WWOX: variants seen among roughly 807,000 people sequenced by gnomAD.
WWOX encodes WW domain containing oxidoreductase, also known as WW domain-containing oxidoreductase.
Under a neutral mutation model 46.2 loss-of-function variants are expected in WWOX, and 69 were observed. The observed-to-expected ratio is 1.49, with a 90% CI of 1.23 to 1.82. The LOEUF is 1.82. Among genes scored for constraint, WWOX ranks in the 40% most tolerant of loss-of-function variants. WWOX has a pLI of 0.00. For synonymous variants in WWOX, 359 were observed against 202.6 expected, an observed-to-expected ratio of 1.77 and a Z score of -6.56; for missense variants, 919 against 542.6, an observed-to-expected ratio of 1.69 and a Z score of -6.89.
At chr16:79,023,501 G>A (rs1437526844) in intron 8 of WWOX, among the ~76,000 whole-genome samples, 1 of 152,210 alleles carries the variant, frequency 6.6e-6, no homozygotes, top group Admixed American at 6.5e-5. Context: ...TTACTGGCCA[G>A]GAGACTAGGC....
chr16:79,121,276 C>T (rs951743985), intron 8 of WWOX, among the ~76,000 whole-genome samples: 1 of 152,164 alleles, frequency 6.6e-6, no homozygotes, highest in African/African-American at 2.4e-5. Context: ...AGGTGCATTG[C>T]TAATTACATG....
intron 8 of WWOX, among the ~76,000 whole-genome samples, chr16:78,987,693 A>G (rs2046808395): frequency 6.6e-6 from 1 of 152,192 alleles, no homozygotes; most frequent in South Asian, 2.1e-4. Flanking sequence ...GTTCAGAGGC[A>G]GAGTAACGTG....
rs1053366590 is a variant in WWOX at position 79,122,120 on chromosome 16, C to T, written c.1057-89488C>T. On this transcript the variant is annotated intron_variant, in intron 8 of 8. Transcript: ENST00000566780. ...CACAGGTGCTGACGGGGCTGTTCCACCTCGGAGCGCGTGGGCCGGGAACAC... is the reference window on the plus strand; with the variant it reads ...CACAGGTGCTGACGGGGCTGTTCCATCTCGGAGCGCGTGGGCCGGGAACAC... 2.6e-5 allele frequency among the ~76,000 whole-genome samples: 4 copies of T among 152,148 alleles called. No individual in the cohort carries two copies. In the South Asian group the frequency reaches 6.2e-4, roughly 24 times the overall value.
intron 5 of WWOX, among the ~76,000 whole-genome samples, chr16:78,272,910 A>C (rs967200193): frequency 2.6e-5 from 4 of 152,168 alleles, no homozygotes; most frequent in Admixed American, 6.5e-5. Flanking sequence ...CCTTAACAGC[A>C]GCTATGTTGA....
At chr16:78,932,972 C>G (rs111883021) in intron 8 of WWOX, among the ~76,000 whole-genome samples, 1 of 152,182 alleles carries the variant, frequency 6.6e-6, no homozygotes, top group Non-Finnish European at 1.5e-5. Flanking sequence ...AGTGTTGAAT[C>G]AATAGACCAC....
At chr16:79,003,229 T>C (rs1201557762) in intron 8 of WWOX, among the ~76,000 whole-genome samples, 1 of 152,236 alleles carries the variant, frequency 6.6e-6, no homozygotes, top group Non-Finnish European at 1.5e-5. Flanking sequence ...CTGCTTGTAA[T>C]TTATGATTTA....
intron 8 of WWOX, among the ~76,000 whole-genome samples, chr16:79,143,279 A>G (rs117611375): frequency 6.6e-6 from 1 of 152,312 alleles, no homozygotes; most frequent in East Asian, 1.9e-4. Flanking sequence ...GAAGTTCCCA[A>G]ATCTGTCAGT....
intron 8 of WWOX, among the ~76,000 whole-genome samples, chr16:78,935,297 A>G (rs886381727): frequency 4.6e-5 from 7 of 152,206 alleles, no homozygotes; most frequent in African/African-American, 1.4e-4. Flanking sequence ...ATAAAGACAC[A>G]TGCACATGTA....
At chr16:78,141,629 C>G (rs114703914) in intron 4 of WWOX, among the ~76,000 whole-genome samples, 1 of 151,996 alleles carries the variant, frequency 6.6e-6, no homozygotes, top group Non-Finnish European at 1.5e-5. Context: ...GTAGCAGTTA[C>G]GTAGACATAC....
chr16:78,806,835 A>G (rs917347842), intron 8 of WWOX, among the ~76,000 whole-genome samples: 1 of 152,190 alleles, frequency 6.6e-6, no homozygotes, highest in Admixed American at 6.5e-5. Context: ...TGCCATGGCC[A>G]CTTTTGAAAG....
intron 6 of WWOX, among the ~76,000 whole-genome samples, chr16:78,387,846 G>A (rs1407924771): frequency 6.6e-6 from 1 of 152,046 alleles, no homozygotes; most frequent in Non-Finnish European, 1.5e-5. Flanking sequence ...GTTGTGCGAA[G>A]GATAAGATAA....
intron 8 of WWOX, among the ~76,000 whole-genome samples, chr16:79,192,090 G>T (rs910523406): frequency 6.6e-6 from 1 of 152,190 alleles, no homozygotes; most frequent in Admixed American, 6.5e-5. Context: ...TTAGTCATAG[G>T]GTATTTCCAG....
intron 5 of WWOX, among the ~76,000 whole-genome samples, chr16:78,210,265 A>G (rs1318344518): frequency 6.6e-6 from 1 of 152,216 alleles, no homozygotes; most frequent in Non-Finnish European, 1.5e-5. Flanking sequence ...TGTATATTGA[A>G]GAGCTCTTAA....
At chr16:78,404,416 T>A (rs893533827) in intron 6 of WWOX, among the ~76,000 whole-genome samples, 1 of 152,098 alleles carries the variant, frequency 6.6e-6, no homozygotes, top group African/African-American at 2.4e-5. Context: ...ACTTAATCCA[T>A]TTTGGGCGTG....
intron 8 of WWOX, among the ~76,000 whole-genome samples, chr16:78,736,234 G>T (rs754412801): frequency 6.6e-6 from 1 of 152,152 alleles, no homozygotes; most frequent in African/African-American, 2.4e-5. Flanking sequence ...AACTTGACCC[G>T]CTTGAGGCCA....
At chr16:78,820,308 C>T (rs1395896224) in intron 8 of WWOX, among the ~76,000 whole-genome samples, 1 of 152,198 alleles carries the variant, frequency 6.6e-6, no homozygotes, top group Non-Finnish European at 1.5e-5. Context: ...AAAGTTTTGG[C>T]TACTGAAGAC....
intron 8 of WWOX, among the ~76,000 whole-genome samples, chr16:78,554,463 C>G (rs1014378859): frequency 2.0e-5 from 3 of 152,100 alleles, no homozygotes; most frequent in Admixed American, 1.3e-4. Context: ...ACAGTTCTGG[C>G]TGATGGGTTG....
intron 5 of WWOX, among the ~76,000 whole-genome samples, chr16:78,295,259 C>G (rs532546007): frequency 6.6e-6 from 1 of 152,270 alleles, no homozygotes; most frequent in South Asian, 2.1e-4. Context: ...CTGAAATGTG[C>G]TAATCAAGCT....
At chr16:78,389,372 C>G (rs891383766) in intron 6 of WWOX, among the ~76,000 whole-genome samples, 2 of 152,128 alleles carry the variant, frequency 1.3e-5, no homozygotes, top group African/African-American at 4.8e-5. Context: ...GAGTGGTGGC[C>G]CTGGAAGCCA....
Sources: allele counts gnomAD v4.1 joint callset (sites outside exome capture counted in the v4.1 genomes callset), GRCh38; gene constraint gnomAD v4.1.1; transcripts MANE v1.5; gene names NCBI Gene and HGNC (gene_info 2026-07-23, HGNC 2026-07-21).